The following OXSR1 variants were observed in gnomAD, a reference collection of about 807,000 sequenced individuals.
OXSR1 encodes serine/threonine-protein kinase OSR1.
In OXSR1, 24 loss-of-function variants were observed where a neutral mutation model predicts 79.8. The observed-to-expected ratio is 0.30, with a 90% CI of 0.22 to 0.42. OXSR1 has a LOEUF of 0.42. Ranked by LOEUF, OXSR1 falls within the 10% of genes least tolerant of loss-of-function variation. OXSR1 has a pLI of 1.00. For missense variants in OXSR1, 430 were observed against 618.4 expected (o/e 0.70, Z 3.23); for synonymous variants, 226 against 209.2 (o/e 1.08, Z -0.69).
intron 4 of OXSR1, among the ~76,000 whole-genome samples, chr3:38,212,006 G>T (rs1011049051): frequency 6.6e-6 from 1 of 152,192 alleles, no homozygotes; most frequent in Admixed American, 6.5e-5. Flanking sequence ...TAGACTTTCA[G>T]CCTGGGCTGC....
Position 38,165,678 on chromosome 3 carries a change from T to G in OXSR1, c.-199T>G. ...GGACTCGGAGGAGCAGGAGGCGAGGTCCGCCGGAGCTCTGAGCCCCCGCTG... is the reference window on the plus strand; with the variant it reads ...GGACTCGGAGGAGCAGGAGGCGAGGGCCGCCGGAGCTCTGAGCCCCCGCTG... On this transcript the variant is annotated 5_prime_UTR_variant, in exon 1 of 18. Coordinates refer to ENST00000311806, the MANE Select transcript of OXSR1 (RefSeq NM_005109.3). 1.9e-6 allele frequency: 1 copy of G among 534,334 alleles called. No individual in the cohort carries two copies. Among genetic ancestry groups the G allele is most frequent in the South Asian group, 2.3e-5 (1 of 42,846 alleles). 33.1% of individuals were successfully genotyped at this position (534,334 alleles called of 1,614,324 possible).
intron 4 of OXSR1, among the ~76,000 whole-genome samples, chr3:38,204,382 C>T (rs1271877359): frequency 1.3e-5 from 2 of 152,080 alleles, no homozygotes; most frequent in Non-Finnish European, 2.9e-5. Flanking sequence ...CTTTACTTTT[C>T]CCTCTTCTCA....
intron 1 of OXSR1, among the ~76,000 whole-genome samples, chr3:38,180,507 A>G (rs1027656431): frequency 7.0e-6 from 1 of 143,724 alleles, no homozygotes; most frequent in Non-Finnish European, 1.5e-5. Flanking sequence ...TCCCTGGCTC[A>G]TGTCTGTATA....
At chr3:38,215,784 A>ATT (rs1702470505) in intron 4 of OXSR1, among the ~76,000 whole-genome samples, 1 of 152,214 alleles carries the variant, frequency 6.6e-6, no homozygotes, top group African/African-American at 2.4e-5. Flanking sequence ...ATTGGGGTAT[A>ATT]GAAAAAAATA....
chr3:38,178,637 T>TC (rs1701723368), intron 1 of OXSR1, among the ~76,000 whole-genome samples: 1 of 142,268 alleles, frequency 7.0e-6, no homozygotes, highest in Admixed American at 7.0e-5. Context: ...TTTTTTTTTT[T>TC]TTTTCTTTTT....
chr3:38,203,619 C>T (rs186950365), intron 4 of OXSR1, among the ~76,000 whole-genome samples: 1 of 152,188 alleles, frequency 6.6e-6, no homozygotes, highest in Non-Finnish European at 1.5e-5. Context: ...TGGATAAGAT[C>T]CTGGGGAATT....
In OXSR1 at chr3:38,208,983, T is replaced by TGC. The variant is rs766934261; in HGVS notation, c.435-7112_435-7111insCG. ...GAGTGTGTGTGTGTGTGTGTGTGTGTGTGCGCGCGCGCGTGCGCGCATGTG... is the reference window on the plus strand; with the variant it reads ...GAGTGTGTGTGTGTGTGTGTGTGTGTGCGTGCGCGCGCGCGTGCGCGCATGTG... On this transcript the variant is annotated intron_variant, in intron 4 of 17. Coordinates refer to ENST00000311806, the MANE Select transcript of OXSR1 (RefSeq NM_005109.3). Among the ~76,000 whole-genome samples the TGC allele has an allele frequency of 1.4e-4, 18 of 127,860 alleles. No homozygotes were observed. In the East Asian group the frequency reaches 2.2e-3, roughly 15 times the overall value. The allele number at this position is 127,860 out of a possible 152,430, so 83.9% of individuals were successfully genotyped here.
chr3:38,198,848 A>G lies in OXSR1; in HGVS notation c.419A>G (p.Asn140Ser). The G allele has an allele frequency of 1.2e-6, 2 of 1,613,662 alleles. No individual in the cohort carries two copies. The highest frequency in any genetic ancestry group is 1.7e-6 in the Non-Finnish European group (2 of 1,179,682). ...GAAGGGCTGGAATATCTGCATAAAA[A>G]TGGACAGATCCACAGGTATGTAAAA... ...VLEGLEYLHK[N>S]GQIHRDVKAG... is the part of the protein sequence containing the mutation. The change falls in exon 4 of 18, where the codon AAT becomes AGT. Residue 140 changes from asparagine to serine, a missense_variant. Physicochemically the swap from Asn to Ser is conservative, Grantham distance 46. Transcript: ENST00000311806.
At chr3:38,220,930 G>C (rs1321950439) in intron 5 of OXSR1, among the ~76,000 whole-genome samples, 1 of 152,146 alleles carries the variant, frequency 6.6e-6, no homozygotes, top group African/African-American at 2.4e-5. Flanking sequence ...AGTATTGTGG[G>C]ACAAAATCTT....
chr3:38,248,021 G>A (rs1703179179), intron 14 of OXSR1, among the ~76,000 whole-genome samples: 1 of 152,136 alleles, frequency 6.6e-6, no homozygotes, highest in Non-Finnish European at 1.5e-5. Context: ...AGGAGGTGTA[G>A]CCTGTAATTG....
At chr3:38,215,243 G>A (rs1436218440) in intron 4 of OXSR1, among the ~76,000 whole-genome samples, 1 of 152,110 alleles carries the variant, frequency 6.6e-6, no homozygotes, top group Non-Finnish European at 1.5e-5. Flanking sequence ...ATTATTTCAT[G>A]GATGTAATAG....
At chr3:38,189,882 GAGAC>G (rs1204209847) in intron 2 of OXSR1, among the ~76,000 whole-genome samples, 2 of 152,162 alleles carry the variant, frequency 1.3e-5, no homozygotes, top group Admixed American at 6.5e-5. Context: ...CTAGAAGGGA[GAGAC>G]AGACAGATAA....
chr3:38,172,756 C>G (rs1336707612), intron 1 of OXSR1, among the ~76,000 whole-genome samples: 1 of 152,172 alleles, frequency 6.6e-6, no homozygotes, highest in Non-Finnish European at 1.5e-5. Flanking sequence ...CAGCATTGGG[C>G]CAACAACCTC....
upstream of OXSR1, chr3:38,165,480 C>T (rs1333677651): frequency 4.9e-6 from 1 of 205,842 alleles, no homozygotes; most frequent in East Asian, 1.3e-4. Flanking sequence ...GGGGCGTGAC[C>T]AGCGCAGTGA....
intron 4 of OXSR1, among the ~76,000 whole-genome samples, chr3:38,205,224 T>G (rs1424810801): frequency 6.6e-6 from 1 of 152,216 alleles, no homozygotes; most frequent in African/African-American, 2.4e-5. Context: ...CTAACAGTGA[T>G]GTGAAGTTGA....
At chr3:38,166,479 C>T (rs115740410) in intron 1 of OXSR1, among the ~76,000 whole-genome samples, 7,914 of 151,960 alleles carry the variant, frequency 0.052, 303 homozygotes, top group Non-Finnish European at 0.075. Flanking sequence ...GGGAGGTAGA[C>T]ATTAAATAAG....
intron 6 of OXSR1, among the ~76,000 whole-genome samples, chr3:38,222,312 G>A (rs1375708306): frequency 6.6e-6 from 1 of 152,090 alleles, no homozygotes; most frequent in Non-Finnish European, 1.5e-5. Context: ...TGAACGAGAA[G>A]GGGCTTTGGA....
At chr3:38,209,710 C>T (rs1702347122) in intron 4 of OXSR1, among the ~76,000 whole-genome samples, 2 of 150,872 alleles carry the variant, frequency 1.3e-5, no homozygotes, top group Non-Finnish European at 2.9e-5. Flanking sequence ...TCTCGGCTCA[C>T]TGTAAGTTCT....
intron 14 of OXSR1, among the ~76,000 whole-genome samples, chr3:38,248,124 A>G (rs1015290449): frequency 6.6e-6 from 1 of 152,142 alleles, no homozygotes; most frequent in Admixed American, 6.6e-5. Flanking sequence ...AACTAACCCA[A>G]GAGGGGAGCA....
Sources: allele counts gnomAD v4.1 joint callset (sites outside exome capture counted in the v4.1 genomes callset), GRCh38; gene constraint gnomAD v4.1.1; transcripts MANE v1.5; gene names NCBI Gene and HGNC (gene_info 2026-07-23, HGNC 2026-07-21).